Variants in DEUP1 observed in about 807,000 individuals in gnomAD.
DEUP1 encodes the protein deuterosome assembly protein 1, also known as coiled-coil domain containing 67.
DEUP1 carries 82 observed loss-of-function variants against 87.4 expected under a neutral mutation model. The observed-to-expected ratio is 0.94, with a 90% CI of 0.78 to 1.13. The LOEUF (loss-of-function observed/expected upper bound fraction) is 1.13. Among genes scored for constraint, DEUP1 ranks in the 50% most tolerant of loss-of-function variants. DEUP1 has a pLI of 0.00. For synonymous variants in DEUP1, 214 were observed against 222.7 expected, an observed-to-expected ratio of 0.96 and a Z score of 0.35; for missense variants, 663 against 681.5, an observed-to-expected ratio of 0.97 and a Z score of 0.30.
At chr11:93,413,150 AG>A (rs1302033690) in intron 12 of DEUP1, among the ~76,000 whole-genome samples, 1 of 152,214 alleles carries the variant, frequency 6.6e-6, no homozygotes, top group Non-Finnish European at 1.5e-5. Flanking sequence ...GGCTTTGAAA[AG>A]GGCTAATCAA....
At chr11:93,385,977 T>G (rs1946527337) in intron 8 of DEUP1, among the ~76,000 whole-genome samples, 1 of 151,456 alleles carries the variant, frequency 6.6e-6, no homozygotes, top group Non-Finnish European at 1.5e-5. Context: ...CGCTTGAGCC[T>G]GGAAGGTCAA....
chr11:93,381,459 T>A (rs1263340544), intron 7 of DEUP1, among the ~76,000 whole-genome samples: 1 of 152,310 alleles, frequency 6.6e-6, no homozygotes, highest in Admixed American at 6.5e-5. Flanking sequence ...ATGGCACACT[T>A]TAATAGCAGA....
intron 11 of DEUP1, among the ~76,000 whole-genome samples, chr11:93,397,071 A>G (rs991398829): frequency 6.6e-6 from 1 of 152,186 alleles, no homozygotes; most frequent in African/African-American, 2.4e-5. Context: ...AAATTCTAAA[A>G]TAATTTTCTA....
chr11:93,395,401 G>A (rs11020302), intron 10 of DEUP1, among the ~76,000 whole-genome samples: 2,249 of 152,166 alleles, frequency 0.015, 21 homozygotes, highest in East Asian at 0.058. Flanking sequence ...GACTAAAATC[G>A]TGAATTATGA....
Position 93,415,092 on chromosome 11 carries a change from G to C in DEUP1, c.1616G>C (p.Ser539Thr). ...AAAGAAATGACAAGTCCTTTGGTTA[G>C]TGATGATGATGTATTCCCACTGGTG... ...QAKEMTSPLV[S>T]DDDVFPLSPP... is the part of the protein sequence containing the mutation. The change falls in exon 13 of 14, where the codon AGT becomes ACT. Residue 539 changes from serine to threonine, a missense_variant. Coordinates refer to ENST00000298050, the MANE Select transcript of DEUP1 (RefSeq NM_181645.4). 3 of 1,610,730 alleles carry C rather than the reference G, an allele frequency of 1.9e-6. No individual in the cohort carries two copies. Among genetic ancestry groups the C allele is most frequent in the South Asian group, 2.2e-5 (2 of 90,256 alleles).
intron 2 of DEUP1, among the ~76,000 whole-genome samples, chr11:93,353,366 C>G (rs1944724289): frequency 6.6e-6 from 1 of 152,300 alleles, no homozygotes; most frequent in East Asian, 1.9e-4. Context: ...CACAGCCTCC[C>G]TCCAGGCTGC....
chr11:93,359,452 A>G (rs1315226533), intron 4 of DEUP1, among the ~76,000 whole-genome samples: 1 of 152,166 alleles, frequency 6.6e-6, no homozygotes, highest in Non-Finnish European at 1.5e-5. Flanking sequence ...CTCCGATTAA[A>G]TTGGACATCA....
At chr11:93,433,993 C>T (rs747926464) in intron 13 of DEUP1, among the ~76,000 whole-genome samples, 2 of 152,134 alleles carry the variant, frequency 1.3e-5, no homozygotes, top group Non-Finnish European at 2.9e-5. Flanking sequence ...GCCTCCAGTT[C>T]GGTGGAGGGC....
chr11:93,383,453 G>C, intron 7 of DEUP1: 1 of 490,548 alleles, frequency 2.0e-6, no homozygotes, highest in Admixed American at 3.5e-5. Flanking sequence ...GTGGTTGCTA[G>C]GAGCTGGAGG....
intron 11 of DEUP1, among the ~76,000 whole-genome samples, chr11:93,402,447 A>C (rs981191716): frequency 6.6e-6 from 1 of 151,968 alleles, no homozygotes; most frequent in African/African-American, 2.4e-5. Flanking sequence ...GAACAGTATA[A>C]AGTTTCCTCA....
rs1944786045 is a variant in DEUP1, at chr11:93,354,540, C to T, written c.30-831C>T. 2.0e-5 allele frequency among the ~76,000 whole-genome samples: 3 copies of T among 152,174 alleles called. No homozygotes were observed. The South Asian group carries it at 6.2e-4, about 31-fold the overall frequency. On this transcript the variant is annotated intron_variant, in intron 2 of 13. Coordinates refer to ENST00000298050, the MANE Select transcript of DEUP1 (RefSeq NM_181645.4). ...TCTGTTTTCACACTGCTAATAAGGACATACCCGAGATTGGGGAGAAAAACA... is the reference window on the plus strand; with the variant it reads ...TCTGTTTTCACACTGCTAATAAGGATATACCCGAGATTGGGGAGAAAAACA...
At chr11:93,335,309 T>C (rs1400570971) in intron 2 of DEUP1, among the ~76,000 whole-genome samples, 1 of 152,254 alleles carries the variant, frequency 6.6e-6, no homozygotes, top group African/African-American at 2.4e-5. Context: ...TGTAGTCTAT[T>C]GCAGGATCAA....
intron 2 of DEUP1, among the ~76,000 whole-genome samples, chr11:93,339,185 G>A (rs1213668479): frequency 6.6e-6 from 1 of 152,206 alleles, no homozygotes; most frequent in Admixed American, 6.5e-5. Context: ...AAGTGTTATA[G>A]AATGACAGAA....
At chr11:93,397,796 A>G (rs1455264796) in intron 11 of DEUP1, among the ~76,000 whole-genome samples, 5 of 152,212 alleles carry the variant, frequency 3.3e-5, no homozygotes, top group Non-Finnish European at 5.9e-5. Context: ...AAATAAATGT[A>G]TAATATATAC....
In DEUP1 at chr11:93,386,385, G is replaced by A. The variant is rs1044079010; in HGVS notation, c.935+842G>A. On this transcript the variant is annotated intron_variant, in intron 8 of 13. Transcript: ENST00000298050. ...CTGCTGAGGATTGTTAAATGTTTGT[G>A]TGTGTGAATAGACAGTTTGACTGCT... 2.0e-5 allele frequency among the ~76,000 whole-genome samples: 3 copies of A among 152,268 alleles called. No individual in the cohort carries two copies. The South Asian group carries it at 6.2e-4, about 32-fold the overall frequency.
intron 8 of DEUP1, among the ~76,000 whole-genome samples, chr11:93,386,778 G>C (rs1189592051): frequency 6.6e-6 from 1 of 152,148 alleles, no homozygotes; most frequent in African/African-American, 2.4e-5. Flanking sequence ...TAATCAATCT[G>C]ATATTTATTA....
chr11:93,409,851 C>T (rs953114877), intron 12 of DEUP1, among the ~76,000 whole-genome samples: 6 of 152,046 alleles, frequency 3.9e-5, no homozygotes, highest in East Asian at 3.8e-4. Context: ...TTATTACTAA[C>T]AAAATTGTTA....
chr11:93,362,060 T>C (rs1387496167), intron 4 of DEUP1, among the ~76,000 whole-genome samples: 1 of 151,910 alleles, frequency 6.6e-6, no homozygotes, highest in Non-Finnish European at 1.5e-5. Flanking sequence ...CAGACAAAAA[T>C]TAACTCAAAA....
chr11:93,408,894 T>A (rs1292159968), intron 12 of DEUP1, among the ~76,000 whole-genome samples: 1 of 152,152 alleles, frequency 6.6e-6, no homozygotes, highest in Non-Finnish European at 1.5e-5. Context: ...TCTCGCTCTG[T>A]CGCCCAGGCT....
Sources: gnomAD v4.1 joint callset for allele counts (sites outside exome capture counted in the v4.1 genomes callset) on GRCh38, gnomAD v4.1.1 for gene constraint, MANE v1.5 for transcripts, NCBI Gene and HGNC (gene_info 2026-07-23, HGNC 2026-07-21) for gene names.